Variants in GSK3B observed in about 807,000 individuals in gnomAD.
The protein encoded by GSK3B is glycogen synthase kinase-3 beta.
In GSK3B, 15 loss-of-function variants were observed where a neutral mutation model predicts 56.4. That is an observed-to-expected ratio of 0.27 (90% CI 0.18 to 0.41). GSK3B has a LOEUF of 0.41. Ranked by LOEUF, GSK3B falls within the 10% of genes least tolerant of loss-of-function variation. The pLI is 1.00. For synonymous variants in GSK3B, 181 were observed against 188.9 expected (o/e 0.96, Z 0.34); for missense variants, 300 against 513.4 (o/e 0.58, Z 4.02).
Position 119,826,650 on chromosome 3 carries a change from T to C in GSK3B, c.*138A>G, listed in dbSNP as rs1340919293. On this transcript the variant is annotated 3_prime_UTR_variant, in exon 11 of 11. Coordinates refer to ENST00000264235, the MANE Select transcript of GSK3B (RefSeq NM_001146156.2). ...TTACAAGGTTAAATAAGAACAACAATAATAATAAAAAAATTGAACACTAAA... is the reference window on the plus strand; with the variant it reads ...TTACAAGGTTAAATAAGAACAACAACAATAATAAAAAAATTGAACACTAAA... 1.9e-5 allele frequency: 10 copies of C among 526,922 alleles called. No individual in the cohort carries two copies. The highest frequency in any genetic ancestry group is 2.0e-5 in the African/African-American group (1 of 50,542). The allele number at this position is 526,922 out of a possible 1,614,324, so 32.6% of individuals were successfully genotyped here. A position where few individuals can be genotyped will look rare whatever the true frequency, so the allele number is the denominator to read the frequency against.
rs901017331 is a variant in GSK3B, at chr3:119,822,631, G to A, written c.*4157C>T. ...CCTCTCAAAGGTAGATCTCAGTCTG[G>A]GACTCTACTGTGCTTCTAGTTGTCT... On this transcript the variant is annotated 3_prime_UTR_variant, in exon 11 of 11. Coordinates refer to ENST00000264235, the MANE Select transcript of GSK3B (RefSeq NM_001146156.2). 2 of 228,404 alleles carry A rather than the reference G, an allele frequency of 8.8e-6. No individual in the cohort carries two copies. Among genetic ancestry groups the A allele is most frequent in the South Asian group, 3.7e-4 (2 of 5,478 alleles). 14.1% of individuals were successfully genotyped at this position (228,404 alleles called of 1,614,324 possible). A position where few individuals can be genotyped will look rare whatever the true frequency, so the allele number is the denominator to read the frequency against.
At chr3:120,072,168 C>A (rs1053471742) in intron 1 of GSK3B, among the ~76,000 whole-genome samples, 1 of 152,178 alleles carries the variant, frequency 6.6e-6, no homozygotes, top group Non-Finnish European at 1.5e-5. Context: ...TAAACTGACA[C>A]TTAAAACACT....
At chr3:119,950,042 G>A (rs913190638) in intron 2 of GSK3B, among the ~76,000 whole-genome samples, 11 of 151,850 alleles carry the variant, frequency 7.2e-5, no homozygotes, top group Non-Finnish European at 1.0e-4. Context: ...TATCACCTAC[G>A]GAAGAAGTTC....
chr3:120,089,919 G>C (rs2058496778), intron 1 of GSK3B, among the ~76,000 whole-genome samples: 1 of 152,052 alleles, frequency 6.6e-6, no homozygotes, highest in Admixed American at 6.6e-5. Flanking sequence ...ATTTAAATTT[G>C]GGATTAATGC....
intron 9 of GSK3B, among the ~76,000 whole-genome samples, chr3:119,862,262 A>T (rs2056114459): frequency 1.4e-5 from 2 of 142,942 alleles, no homozygotes; most frequent in Non-Finnish European, 3.0e-5. Flanking sequence ...TTCTCAGTAA[A>T]CTATCGCAAG....
rs1415457454 is a variant in GSK3B at position 119,939,202 on chromosome 3, A to T, written c.366+8066T>A. On this transcript the variant is annotated intron_variant, in intron 3 of 10. Transcript: ENST00000264235. ...GTGGAGGGTAGGAAAGAAGCATTCC[A>T]GAAGGTATTTGCATTAACAGGGATA... is the stretch of plus-strand genomic sequence containing the variant. Among the ~76,000 whole-genome samples, 4 of 152,140 alleles carry T rather than the reference A, an allele frequency of 2.6e-5. No individual in the cohort carries two copies. The East Asian group carries it at 7.7e-4, about 29-fold the overall frequency.
Position 119,843,363 on chromosome 3 carries a change from G to A in GSK3B, c.1097-10C>T. The A allele has an allele frequency of 6.8e-7, 1 of 1,476,606 alleles. No homozygotes were observed. Among genetic ancestry groups the A allele is most frequent in the Non-Finnish European group, 9.5e-7 (1 of 1,057,058 alleles). 91.5% of individuals were successfully genotyped at this position (1,476,606 alleles called of 1,614,324 possible). The stretch of plus-strand genomic sequence containing the variant: ...GGATTACTTGACAGTTCTATAGAAG[G>A]TTAAGACACAAATGTTAGAGTCCAC... On this transcript the variant is annotated splice_polypyrimidine_tract_variant and intron_variant, in intron 9 of 10. Transcript: ENST00000264235.
intron 9 of GSK3B, among the ~76,000 whole-genome samples, chr3:119,848,733 C>T (rs1276075148): frequency 6.6e-6 from 1 of 152,074 alleles, no homozygotes; most frequent in Non-Finnish European, 1.5e-5. Flanking sequence ...TACTAAATTA[C>T]ATACTAAATG....
intron 9 of GSK3B, among the ~76,000 whole-genome samples, chr3:119,857,492 T>C (rs2056038757): frequency 6.6e-6 from 1 of 152,194 alleles, no homozygotes; most frequent in African/African-American, 2.4e-5. Context: ...TAACTCCTCA[T>C]TCATTCATGT....
intron 2 of GSK3B, among the ~76,000 whole-genome samples, chr3:120,001,431 AGCTCTT>A (rs1175625117): frequency 1.3e-5 from 2 of 152,166 alleles, no homozygotes; most frequent in Non-Finnish European, 2.9e-5. Flanking sequence ...GCTCTCGCTC[AGCTCTT>A]GCCATGTGAT....
chr3:119,882,294 T>C (rs1393902786), intron 7 of GSK3B, among the ~76,000 whole-genome samples: 2 of 152,178 alleles, frequency 1.3e-5, no homozygotes, highest in Admixed American at 6.6e-5. Flanking sequence ...ATTTAAGGTA[T>C]ACCATGTGTG....
intron 1 of GSK3B, among the ~76,000 whole-genome samples, chr3:120,007,170 G>T (rs928106327): frequency 5.9e-5 from 9 of 152,090 alleles, no homozygotes; most frequent in African/African-American, 2.2e-4. Flanking sequence ...TACAAGAAAT[G>T]GATAAATTCC....
At chr3:119,928,717 T>C (rs2056913755) in intron 3 of GSK3B, among the ~76,000 whole-genome samples, 1 of 148,200 alleles carries the variant, frequency 6.7e-6, no homozygotes, top group Non-Finnish European at 1.5e-5. Context: ...TATAGCATAG[T>C]AATTAAGAAG....
At chr3:119,883,083 G>A (rs186256055) in intron 7 of GSK3B, among the ~76,000 whole-genome samples, 10 of 152,234 alleles carry the variant, frequency 6.6e-5, no homozygotes, top group African/African-American at 1.7e-4. Flanking sequence ...ACTGAATCAC[G>A]AAGGCTATTA....
At chr3:119,954,293 AGAAT>A (rs1559851373) in intron 2 of GSK3B, among the ~76,000 whole-genome samples, 19 of 124,156 alleles carry the variant, frequency 1.5e-4, no homozygotes, top group Non-Finnish European at 2.9e-4. Flanking sequence ...AGAATAGAAT[AGAAT>A]AGAATAGAAA....
intron 10 of GSK3B, among the ~76,000 whole-genome samples, chr3:119,828,855 C>A (rs1238471676): frequency 6.6e-6 from 1 of 152,190 alleles, no homozygotes; most frequent in Admixed American, 6.5e-5. Context: ...TAATTTCCTT[C>A]AAAATAGCTA....
chr3:120,027,982 C>T (rs2057941993), intron 1 of GSK3B, among the ~76,000 whole-genome samples: 1 of 152,140 alleles, frequency 6.6e-6, no homozygotes, highest in African/African-American at 2.4e-5. Flanking sequence ...TTATAGAACA[C>T]TTCAAACTAA....
intron 1 of GSK3B, among the ~76,000 whole-genome samples, chr3:120,073,077 A>C (rs147929851): frequency 6.6e-6 from 1 of 152,194 alleles, no homozygotes; most frequent in East Asian, 1.9e-4. Context: ...CTTCTCTAAG[A>C]TTCAGTTTCA....
intron 3 of GSK3B, among the ~76,000 whole-genome samples, chr3:119,928,898 C>T (rs762403275): frequency 6.6e-6 from 1 of 152,120 alleles, no homozygotes; most frequent in Non-Finnish European, 1.5e-5. Flanking sequence ...TATAAGAAAT[C>T]ATCAATGTGA....
Sources: allele counts gnomAD v4.1 joint callset (sites outside exome capture counted in the v4.1 genomes callset), GRCh38; gene constraint gnomAD v4.1.1; transcripts MANE v1.5; gene names NCBI Gene and HGNC (gene_info 2026-07-23, HGNC 2026-07-21).